The following SLC35A5 variants were observed in gnomAD, a reference collection of about 807,000 sequenced individuals.
SLC35A5 encodes solute carrier family 35 member A5.
A neutral mutation model predicts 36.3 loss-of-function variants in SLC35A5; 28 were observed. The ratio of observed to expected loss-of-function variants is 0.77; its 90% CI spans 0.57 to 1.06. SLC35A5 has a LOEUF of 1.06. SLC35A5 is among the 50% of genes least tolerant of loss of function. The probability of loss-of-function intolerance (pLI) is 0.00; values close to 1 mark genes in which losing one functional copy is unlikely to be tolerated. For missense variants in SLC35A5, 521 were observed against 499.3 expected (o/e 1.04, Z -0.41); for synonymous variants, 180 against 173.7 (o/e 1.04, Z -0.29).
At chr3:112,577,512 G>T (rs143068310) in intron 5 of SLC35A5, among the ~76,000 whole-genome samples, 1 of 152,196 alleles carries the variant, frequency 6.6e-6, no homozygotes, top group South Asian at 2.1e-4. Flanking sequence ...TGGTTTGCTT[G>T]TAACCTAAGC....
In SLC35A5 at chr3:112,581,346, C is replaced by G; in HGVS notation, c.1209+20C>G. The G allele has an allele frequency of 6.4e-7, 1 of 1,553,908 alleles. No homozygotes were observed. The highest frequency in any genetic ancestry group is 8.6e-7 in the Non-Finnish European group (1 of 1,156,144). ...AGTGGGGTAAGTTTGTGAGGGTGTT[C>G]CTTTTTGCTTGTTCTTCCCAAATTT... On this transcript the variant is annotated intron_variant, in intron 6 of 6. Transcript: ENST00000492406.
chr3:112,580,698 T>C lies in SLC35A5; in HGVS notation c.581T>C (p.Leu194Pro), dbSNP rs1315825952. Residue 194 changes from leucine to proline, a missense_variant, in exon 6 of 7, where the codon CTT becomes CCT. Coordinates refer to ENST00000492406, the MANE Select transcript of SLC35A5 (RefSeq NM_017945.5). The stretch of plus-strand genomic sequence containing the variant: ...TTCAGCCCTTCCAATTCCTGCCTTC[T>C]TTTCAGAAGTGAGTGTCCCAGAAAA... ...AFFSPSNSCLLFRSECPRKDN... is the reference protein window; with the variant it reads ...AFFSPSNSCLPFRSECPRKDN... 2 of 1,614,180 alleles carry C rather than the reference T, an allele frequency of 1.2e-6. No individual in the cohort carries two copies. The highest frequency in any genetic ancestry group is 1.1e-5 in the South Asian group (1 of 91,088).
Position 112,580,727 on chromosome 3 carries a change from A to G in SLC35A5, c.610A>G (p.Asn204Asp). 2.5e-6 allele frequency: 4 copies of G among 1,614,188 alleles called. No individual in the cohort carries two copies. Among genetic ancestry groups the G allele is most frequent in the Non-Finnish European group, 3.4e-6 (4 of 1,179,994 alleles). The change falls in exon 6 of 7, where the codon AAT becomes GAT. Residue 204 changes from asparagine (N) to aspartate (D), a missense_variant. Coordinates refer to ENST00000492406, the MANE Select transcript of SLC35A5 (RefSeq NM_017945.5). ...LFRSECPRKD[N>D]CTAKEWTFPE... ...CAGAAGTGAGTGTCCCAGAAAAGAC[A>G]ATTGTACAGCAAAGGAATGGACTTT...
upstream of SLC35A5, chr3:112,561,549 C>T: frequency 6.3e-7 from 1 of 1,583,706 alleles, no homozygotes; most frequent in Non-Finnish European, 8.6e-7. Flanking sequence ...GAGTAGCGGC[C>T]GGCCCCGCGA....
At position 112,582,870 on chromosome 3, in the gene SLC35A5, C is replaced by T. The variant is rs1934996351; in HGVS notation, c.*134C>T. ...TATTCTTTGCATATATCTAGCTACT[C>T]CCTAAATGGTTCCATCCAAGGCTTA... is the stretch of plus-strand genomic sequence containing the variant. On this transcript the variant is annotated 3_prime_UTR_variant, in exon 7 of 7. Transcript: ENST00000492406. The T allele has an allele frequency of 8.4e-6, 6 of 717,136 alleles. No individual in the cohort carries two copies. Among genetic ancestry groups the T allele is most frequent in the Middle Eastern group, 2.7e-4 (1 of 3,642 alleles). 44.4% of individuals were successfully genotyped at this position (717,136 alleles called of 1,614,324 possible).
At chr3:112,581,951 G>A (rs769774701) in intron 6 of SLC35A5, among the ~76,000 whole-genome samples, 6 of 152,044 alleles carry the variant, frequency 3.9e-5, no homozygotes, top group African/African-American at 1.4e-4. Flanking sequence ...CAATTATTCC[G>A]AATATCTCCC....
At chr3:112,573,680 A>G (rs1409557019) in intron 4 of SLC35A5, among the ~76,000 whole-genome samples, 2 of 152,278 alleles carry the variant, frequency 1.3e-5, no homozygotes, top group African/African-American at 2.4e-5. Flanking sequence ...TTATTTACAC[A>G]GGCAATGCCT....
At chr3:112,574,589 G>A (rs1934589565) in intron 5 of SLC35A5, among the ~76,000 whole-genome samples, 1 of 152,066 alleles carries the variant, frequency 6.6e-6, no homozygotes, top group African/African-American at 2.4e-5. Context: ...GATGATACAG[G>A]ATCTGGATAC....
rs1935102533 is a variant in SLC35A5 at position 112,585,269 on chromosome 3, T to A, written c.*2533T>A. The A allele has an allele frequency of 6.6e-6, 1 of 152,042 alleles. No individual in the cohort carries two copies. Among genetic ancestry groups the A allele is most frequent in the Non-Finnish European group, 1.5e-5 (1 of 68,008 alleles). The allele number at this position is 152,042 out of a possible 1,614,324, so 9.4% of individuals were successfully genotyped here. ...CATCAGATCTCATGAGAACTTACTATCATGAGAACAGCATGGGGGAAACTG... is the reference window on the plus strand; with the variant it reads ...CATCAGATCTCATGAGAACTTACTAACATGAGAACAGCATGGGGGAAACTG... On this transcript the variant is annotated 3_prime_UTR_variant, in exon 7 of 7. Coordinates refer to ENST00000492406, the MANE Select transcript of SLC35A5 (RefSeq NM_017945.5).
chr3:112,572,420 T>G (rs1388204840), intron 4 of SLC35A5, among the ~76,000 whole-genome samples: 1 of 152,204 alleles, frequency 6.6e-6, no homozygotes, highest in Non-Finnish European at 1.5e-5. Flanking sequence ...TGCTAATAAG[T>G]GTCCAGTCCA....
intron 5 of SLC35A5, among the ~76,000 whole-genome samples, chr3:112,574,558 C>T (rs1934587653): frequency 6.6e-6 from 1 of 152,060 alleles, no homozygotes; most frequent in South Asian, 2.1e-4. Flanking sequence ...AAGCAAAAGC[C>T]AGAGTGTCCT....
chr3:112,562,693 C>G (rs2638028), intron 1 of SLC35A5, among the ~76,000 whole-genome samples: 23,923 of 152,228 alleles, frequency 0.16, 4,392 homozygotes, highest in African/African-American at 0.44. Context: ...TCCTAATAAG[C>G]TTTTTCCTCC....
In SLC35A5 at chr3:112,583,262, A is replaced by G; in HGVS notation, c.*526A>G. 2.5e-6 allele frequency: 1 copy of G among 396,302 alleles called. No homozygotes were observed. The highest frequency in any genetic ancestry group is 4.4e-6 in the Non-Finnish European group (1 of 224,856). The allele number at this position is 396,302 out of a possible 1,614,324, so 24.5% of individuals were successfully genotyped here. A position where few individuals can be genotyped will look rare whatever the true frequency, so the allele number is the denominator to read the frequency against. ...TTGAAGGACCTAAATACCTGGCCAT[A>G]CCATAGATTTGGGATGATGTAGTCT... On this transcript the variant is annotated 3_prime_UTR_variant, in exon 7 of 7. Coordinates refer to ENST00000492406, the MANE Select transcript of SLC35A5 (RefSeq NM_017945.5).
In SLC35A5 at chr3:112,569,270, G is replaced by T; in HGVS notation, c.229+1G>T. The T allele has an allele frequency of 6.2e-7, 1 of 1,613,038 alleles. No individual in the cohort carries two copies. Among genetic ancestry groups the T allele is most frequent in the Non-Finnish European group, 8.5e-7 (1 of 1,179,228 alleles). On this transcript the variant is annotated splice_donor_variant, in intron 3 of 6. Transcript: ENST00000492406. LOFTEE classifies it high-confidence loss of function. Reference sequence around the variant, plus strand: ...GTGTCATTCTGTGTTATAAAGAAAGGTAAGTCTTGAAATGGTACTATATAC... The same window carrying T: ...GTGTCATTCTGTGTTATAAAGAAAGTTAAGTCTTGAAATGGTACTATATAC...
chr3:112,580,906 C>T lies in SLC35A5; in HGVS notation c.789C>T (p.Ser263=). 1 of 1,614,128 alleles carries T rather than the reference C, an allele frequency of 6.2e-7. No homozygotes were observed. The highest frequency in any genetic ancestry group is 1.1e-5 in the South Asian group (1 of 91,086). The change falls in exon 6 of 7, where the codon AGC becomes AGT. Residue 263 remains serine, a synonymous_variant. Transcript: ENST00000492406. ...AGGAAGGGAACCAGCTCACTGAAAG[C>T]ATCTTCATACAGAACAGCAAACTCT... ...ILKEGNQLTE[S]IFIQNSKLYF... is the part of the protein sequence containing the mutation.
intron 5 of SLC35A5, among the ~76,000 whole-genome samples, chr3:112,578,851 AT>A (rs1199281119): frequency 2.0e-5 from 3 of 151,728 alleles, no homozygotes; most frequent in Admixed American, 1.3e-4. Context: ...TAATTATGGA[AT>A]TTTTTTTGTA....
At position 112,584,938 on chromosome 3, in the gene SLC35A5, CAG is replaced by C. The variant is rs1935088490; in HGVS notation, c.*2204_*2205del. ...TATCCTAACTGAAATAATTCAGAAA[CAG>C]AAAATCAAATACCACATGTTCTCAC... On this transcript the variant is annotated 3_prime_UTR_variant, in exon 7 of 7. Transcript: ENST00000492406. 1 of 152,110 alleles carries C rather than the reference CAG, an allele frequency of 6.6e-6. No individual in the cohort carries two copies. Among genetic ancestry groups the C allele is most frequent in the Non-Finnish European group, 1.5e-5 (1 of 68,018 alleles). The allele number at this position is 152,110 out of a possible 1,614,324, so 9.4% of individuals were successfully genotyped here. A position where few individuals can be genotyped will look rare whatever the true frequency, so the allele number is the denominator to read the frequency against.
chr3:112,565,504 C>T (rs889714552), intron 2 of SLC35A5, among the ~76,000 whole-genome samples: 3 of 152,178 alleles, frequency 2.0e-5, no homozygotes, highest in Admixed American at 2.0e-4. Flanking sequence ...CGTAGCCAGG[C>T]ACAGTGGCTC....
At chr3:112,571,045 A>G (rs1934412679) in intron 4 of SLC35A5, among the ~76,000 whole-genome samples, 1 of 152,244 alleles carries the variant, frequency 6.6e-6, no homozygotes, top group African/African-American at 2.4e-5. Flanking sequence ...TGATTAACTC[A>G]GAAAGTTAAA....
Sources: gnomAD v4.1 joint callset for allele counts (sites outside exome capture counted in the v4.1 genomes callset) on GRCh38, gnomAD v4.1.1 for gene constraint, MANE v1.5 for transcripts, NCBI Gene and HGNC (gene_info 2026-07-23, HGNC 2026-07-21) for gene names.